FLNB: variants seen among roughly 807,000 people sequenced by gnomAD.
The protein encoded by FLNB is filamin-B.
In FLNB, 111 loss-of-function variants were observed where a neutral mutation model predicts 250.6. That is an observed-to-expected ratio of 0.44 (90% CI 0.38 to 0.52). The LOEUF is 0.52. Ranked by LOEUF, FLNB falls within the 20% of genes least tolerant of loss-of-function variation. FLNB has a pLI of 0.00. For synonymous variants in FLNB, 1,302 were observed against 1,372.1 expected, an observed-to-expected ratio of 0.95 and a Z score of 1.13; for missense variants, 2,869 against 3,447.8, an observed-to-expected ratio of 0.83 and a Z score of 4.20.
intron 1 of FLNB, among the ~76,000 whole-genome samples, chr3:58,025,144 T>TTC (rs2097121709): frequency 6.7e-6 from 1 of 148,486 alleles, no homozygotes; most frequent in Non-Finnish European, 1.5e-5. Context: ...TTTTTTTTTT[T>TTC]TTTGAGATAG....
At chr3:58,112,594 T>C (rs1196069793) in intron 18 of FLNB, among the ~76,000 whole-genome samples, 1 of 152,260 alleles carries the variant, frequency 6.6e-6, no homozygotes, top group East Asian at 1.9e-4. Flanking sequence ...AAATGCTCAG[T>C]TCTTGATATT....
At chr3:58,096,841 C>T (rs1334324774) in intron 6 of FLNB, among the ~76,000 whole-genome samples, 1 of 152,170 alleles carries the variant, frequency 6.6e-6, no homozygotes, top group Non-Finnish European at 1.5e-5. Flanking sequence ...CTTAAGAACT[C>T]TCCTTGGAGG....
chr3:58,121,326 C>T lies in FLNB; in HGVS notation c.2949C>T (p.Ser983=), dbSNP rs779917220. The T allele has an allele frequency of 1.9e-6, 3 of 1,614,134 alleles. No homozygotes were observed. Among genetic ancestry groups the T allele is most frequent in the Middle Eastern group, 1.6e-4 (1 of 6,062 alleles). Residue 983 remains serine, a synonymous_variant, in exon 20 of 46, where the codon AGC becomes AGT. Transcript: ENST00000295956. ...GQGKLDVTIL[S]PSRKVVPCLV... ...GGAAGCTGGACGTGACAATCCTCAG[C>T]CCCTCTCGGAAGGTCGTGCCATGCC...
At position 58,109,866 on chromosome 3, in the gene FLNB, C is replaced by G. The variant is rs1187900990; in HGVS notation, c.2324-144C>G. On this transcript the variant is annotated intron_variant, in intron 15 of 45. Transcript: ENST00000295956. ...GTGATATCTTTGCTAATCCATCATC[C>G]CTTTCCCCAAATCCTTACTCTTTCT... The G allele has an allele frequency of 6.5e-6, 9 of 1,390,662 alleles. No homozygotes were observed. The African/African-American group carries it at 1.3e-4, about 20-fold the overall frequency. The allele number at this position is 1,390,662 out of a possible 1,614,324, so 86.1% of individuals were successfully genotyped here. A position where few individuals can be genotyped will look rare whatever the true frequency, so the allele number is the denominator to read the frequency against.
chr3:58,070,816 C>T (rs1316326644), intron 1 of FLNB, among the ~76,000 whole-genome samples: 6 of 151,774 alleles, frequency 4.0e-5, no homozygotes, highest in Non-Finnish European at 5.9e-5. Context: ...CATGCCACCA[C>T]GCCCAGCAAA....
chr3:58,076,989 C>A (rs1198005315), intron 1 of FLNB, 57 bp from the exon 2 acceptor site: 13 of 1,591,322 alleles, frequency 8.2e-6, no homozygotes, highest in Non-Finnish European at 1.1e-5. Flanking sequence ...ATATAAGGAG[C>A]ATAATTTACA....
At chr3:58,137,338 A>G (rs2107229926) in intron 28 of FLNB, among the ~76,000 whole-genome samples, 2 of 152,362 alleles carry the variant, frequency 1.3e-5, no homozygotes, top group South Asian at 4.1e-4. Flanking sequence ...GCCAGCGACA[A>G]CCAGATCATC....
chr3:58,131,921 T>C (rs2097308120), intron 25 of FLNB: 1 of 1,535,248 alleles, frequency 6.5e-7, no homozygotes. Context: ...AGCCTTTTGA[T>C]TTTAGCTGAC....
chr3:58,030,125 C>G (rs571706443), intron 1 of FLNB, among the ~76,000 whole-genome samples: 263 of 152,256 alleles, frequency 1.7e-3, no homozygotes, highest in Middle Eastern at 3.4e-3. Context: ...TTAGAACATG[C>G]TAATGGCACC....
intron 1 of FLNB, among the ~76,000 whole-genome samples, chr3:58,045,581 C>T (rs986060413): frequency 7.9e-5 from 12 of 152,244 alleles, no homozygotes; most frequent in African/African-American, 1.4e-4. Flanking sequence ...TGGACACCCC[C>T]GATTTAAAGG....
intron 9 of FLNB, among the ~76,000 whole-genome samples, chr3:58,102,766 A>G (rs1286310899): frequency 6.6e-6 from 1 of 152,238 alleles, no homozygotes; most frequent in African/African-American, 2.4e-5. Context: ...GTTACATTTT[A>G]TAGAGTATGA....
At chr3:58,084,555 TAA>T (rs66843073) in intron 4 of FLNB, among the ~76,000 whole-genome samples, 4 of 147,968 alleles carry the variant, frequency 2.7e-5, no homozygotes, top group Non-Finnish European at 5.9e-5. Flanking sequence ...CACACCCTTT[TAA>T]AAAAAAATTT....
intron 3 of FLNB, among the ~76,000 whole-genome samples, chr3:58,079,828 G>A (rs1460768092): frequency 1.3e-5 from 2 of 152,202 alleles, no homozygotes; most frequent in East Asian, 3.8e-4. Context: ...ATTGCAGGTA[G>A]CCAGTGCCAT....
chr3:58,112,251 T>G lies in FLNB; in HGVS notation c.2678T>G (p.Val893Gly), dbSNP rs2097270126. 1.2e-6 allele frequency: 2 copies of G among 1,613,926 alleles called. No individual in the cohort carries two copies. The highest frequency in any genetic ancestry group is 8.5e-7 in the Non-Finnish European group (1 of 1,179,980). ...AACAGCCCTCTTCCTGGCGATGCAG[T>G]GAAGGATTTGGATATCATCGATAAT... The part of the protein sequence containing the change: ...QFNSPLPGDA[V>G]KDLDIIDNYD... The change falls in exon 18 of 46, where the codon GTG (valine) becomes GGG (glycine). Residue 893 changes from valine (V) to glycine (G), a missense_variant. Physicochemically the swap from Val to Gly is moderately radical, Grantham distance 109 (BLOSUM62 -3). Coordinates refer to ENST00000295956, the MANE Select transcript of FLNB (RefSeq NM_001457.4).
intron 12 of FLNB, among the ~76,000 whole-genome samples, chr3:58,107,162 T>C (rs569829806): frequency 1.4e-4 from 22 of 152,318 alleles, no homozygotes; most frequent in South Asian, 4.1e-4. Context: ...CCCAAGTAGC[T>C]GGAACTACAG....
chr3:58,035,489 C>A (rs1406184196), intron 1 of FLNB, among the ~76,000 whole-genome samples: 1 of 152,112 alleles, frequency 6.6e-6, no homozygotes, highest in Non-Finnish European at 1.5e-5. Flanking sequence ...GGGAACGCAA[C>A]ATGTACCCCA....
intron 1 of FLNB, among the ~76,000 whole-genome samples, chr3:58,012,453 A>G (rs867929788): frequency 1.3e-5 from 2 of 152,178 alleles, no homozygotes; most frequent in African/African-American, 2.4e-5. Context: ...TTGGAGCCTT[A>G]ACTGACTTGC....
chr3:58,069,642 C>T (rs1169918503), intron 1 of FLNB, among the ~76,000 whole-genome samples: 1 of 152,042 alleles, frequency 6.6e-6, no homozygotes, highest in African/African-American at 2.4e-5. Flanking sequence ...TGGCCCAAGA[C>T]CCTCAGAGCA....
chr3:58,078,822 C>T lies in FLNB; in HGVS notation c.639+8C>T. 1 of 1,607,210 alleles carries T rather than the reference C, an allele frequency of 6.2e-7. No individual in the cohort carries two copies. The highest frequency in any genetic ancestry group is 1.7e-5 in the Admixed American group (1 of 59,570). On this transcript the variant is annotated splice_region_variant and intron_variant, in intron 3 of 45. Coordinates refer to ENST00000295956, the MANE Select transcript of FLNB (RefSeq NM_001457.4). ...TGGCTGGGTGTCCCACAGGTATGCA[C>T]AAGTGTGCCAGGTCCTGTGAGGCTG... is the stretch of plus-strand genomic sequence containing the variant.
Sources: allele counts gnomAD v4.1 joint callset (sites outside exome capture counted in the v4.1 genomes callset), GRCh38; gene constraint gnomAD v4.1.1; transcripts MANE v1.5; gene names NCBI Gene and HGNC (gene_info 2026-07-23, HGNC 2026-07-21).